Variants in SLC45A1 observed in about 807,000 individuals in gnomAD.
SLC45A1 encodes solute carrier family 45 member 1.
SLC45A1 carries 28 observed loss-of-function variants against 57.6 expected under a neutral mutation model. The ratio of observed to expected loss-of-function variants is 0.49; its 90% CI spans 0.36 to 0.67. The LOEUF is 0.67. Ranked by LOEUF, SLC45A1 falls within the 30% of genes least tolerant of loss-of-function variation. SLC45A1 has a pLI of 0.00. For synonymous variants in SLC45A1, 459 were observed against 471.5 expected (o/e 0.97, Z 0.34); for missense variants, 814 against 1,041.5 (o/e 0.78, Z 3.01).
At chr1:8,331,081 G>T in intron 5 of SLC45A1, 145 bp downstream of exon 5, 2 of 1,123,920 alleles carry the variant, frequency 1.8e-6, no homozygotes, top group Non-Finnish European at 1.2e-6. Context: ...GACCTAAAGA[G>T]AAAAGCCTTA....
intron 5 of SLC45A1, among the ~76,000 whole-genome samples, chr1:8,333,771 C>T (rs538851125): frequency 1.1e-3 from 173 of 152,234 alleles, no homozygotes; most frequent in Admixed American, 1.6e-3. Flanking sequence ...TGGGGCCTTT[C>T]GTTTGCTTTT....
rs1640389146 is a variant in SLC45A1 at position 8,330,988 on chromosome 1, C to A, written c.1443+52C>A. 21 of 1,519,156 alleles carry A rather than the reference C, an allele frequency of 1.4e-5. No homozygotes were observed. Among genetic ancestry groups the A allele is most frequent in the Non-Finnish European group, 1.8e-5 (20 of 1,136,978 alleles). 94.1% of individuals were successfully genotyped at this position (1,519,156 alleles called of 1,614,324 possible). On this transcript the variant is annotated intron_variant, in intron 5 of 8. Coordinates refer to ENST00000471889, the MANE Select transcript of SLC45A1 (RefSeq NM_001080397.3). This position sits in a 1 kb window ranked among gnomAD's most constrained non-coding sequence, Gnocchi z 8.4. ...GGCTCAGAGGGTGGCATTCGGGGGT[C>A]CCCTGGTCAGTTACATGACAAAGAG...
rs749611806 is a variant in SLC45A1 at position 8,330,918 on chromosome 1, T to C, written c.1425T>C (p.Asn475=). 2.5e-6 allele frequency: 4 copies of C among 1,594,178 alleles called. No homozygotes were observed. The highest frequency in any genetic ancestry group is 2.2e-5 in the South Asian group (2 of 90,214). ...GTCCCGAAACCAGCAGGAGAAGGAATGTGACCTTCAGTCAGCAGGTAACAG... is the reference window on the plus strand; with the variant it reads ...GTCCCGAAACCAGCAGGAGAAGGAACGTGACCTTCAGTCAGCAGGTAACAG... ...GGGPETSRRR[N]VTFSQQVANI... The change falls in exon 5 of 9, where the codon AAT becomes AAC. Residue 475 remains asparagine (N), a synonymous_variant. Coordinates refer to ENST00000471889, the MANE Select transcript of SLC45A1 (RefSeq NM_001080397.3). This position sits in a 1 kb window ranked among gnomAD's most constrained non-coding sequence, Gnocchi z 8.4.
chr1:8,322,628 G>A lies in SLC45A1; in HGVS notation c.-24-1678G>A, dbSNP rs75284387. On this transcript the variant is annotated intron_variant, in intron 1 of 8. Transcript: ENST00000471889. ...ATAAATAATTTATTGTCTAGTGATAGTGTGATGGAAAGTGGTATGGTAAGT... is the reference window on the plus strand; with the variant it reads ...ATAAATAATTTATTGTCTAGTGATAATGTGATGGAAAGTGGTATGGTAAGT... 9.6e-3 allele frequency among the ~76,000 whole-genome samples: 1,454 copies of A among 152,230 alleles called. 21 individuals are homozygous for A. The highest frequency in any genetic ancestry group is 0.033 in the African/African-American group (1,373 of 41,514).
chr1:8,332,381 C>T (rs1384612429), intron 5 of SLC45A1, among the ~76,000 whole-genome samples: 2 of 152,138 alleles, frequency 1.3e-5, no homozygotes, highest in East Asian at 3.8e-4. Flanking sequence ...TCCAGGGCAG[C>T]GCCATCTTCC....
At chr1:8,340,852 C>A (rs1053374007) in intron 8 of SLC45A1, among the ~76,000 whole-genome samples, 2 of 152,032 alleles carry the variant, frequency 1.3e-5, no homozygotes, top group Non-Finnish European at 2.9e-5. Flanking sequence ...AATCTCGTTA[C>A]GGATTATGGA....
intron 5 of SLC45A1, among the ~76,000 whole-genome samples, chr1:8,333,116 CT>C (rs1177722429): frequency 6.6e-6 from 1 of 152,124 alleles, no homozygotes; most frequent in Non-Finnish European, 1.5e-5. Context: ...TAAATGGGAC[CT>C]GGTCCTCAGT....
intron 1 of SLC45A1, among the ~76,000 whole-genome samples, chr1:8,323,703 G>C (rs544559442): frequency 6.6e-6 from 1 of 152,320 alleles, no homozygotes; most frequent in South Asian, 2.1e-4. Flanking sequence ...TGAAGGAAAA[G>C]GGTTTGTGTT....
At chr1:8,340,249 G>A (rs1367718320) in intron 8 of SLC45A1, among the ~76,000 whole-genome samples, 3 of 148,738 alleles carry the variant, frequency 2.0e-5, no homozygotes, top group East Asian at 3.9e-4. Context: ...TGCAACCTCC[G>A]CCTCCCGGGT....
At chr1:8,323,740 A>C (rs1640105254) in intron 1 of SLC45A1, among the ~76,000 whole-genome samples, 1 of 152,192 alleles carries the variant, frequency 6.6e-6, no homozygotes, top group Non-Finnish European at 1.5e-5. Flanking sequence ...CTTTAGGGAG[A>C]GTGCCCTGGC....
In SLC45A1 at chr1:8,330,740, G is replaced by A. The variant is rs370439504; in HGVS notation, c.1247G>A (p.Arg416His). 9 of 1,613,136 alleles carry A rather than the reference G, an allele frequency of 5.6e-6. 1 individual carries two copies. The highest frequency in any genetic ancestry group is 3.3e-4 in the Middle Eastern group (2 of 6,084). ...RAPDGFYRQD[R>H]GLLEGREGAL... is the part of the protein sequence containing the mutation. ...CCCGACGGCTTCTACCGCCAGGACCGTGGACTTCTGGAGGGCAGAGAGGGT... is the reference window on the plus strand; with the variant it reads ...CCCGACGGCTTCTACCGCCAGGACCATGGACTTCTGGAGGGCAGAGAGGGT... Residue 416 changes from arginine (R) to histidine (H), a missense_variant, in exon 5 of 9, where the codon CGT becomes CAT. Coordinates refer to ENST00000471889, the MANE Select transcript of SLC45A1 (RefSeq NM_001080397.3). This position sits in a 1 kb window ranked among gnomAD's most constrained non-coding sequence, Gnocchi z 8.4.
rs572035855 is a variant in SLC45A1 at position 8,324,120 on chromosome 1, C to T, written c.-24-186C>T. ...CTCTCTGAGTAGGGAAGGCACTGGG[C>T]TTTGGCCTCCTGGGGCAGAGGAGCT... is the stretch of plus-strand genomic sequence containing the variant. On this transcript the variant is annotated intron_variant, in intron 1 of 8. Coordinates refer to ENST00000471889, the MANE Select transcript of SLC45A1 (RefSeq NM_001080397.3). Among the ~76,000 whole-genome samples the T allele has an allele frequency of 2.0e-5, 3 of 152,246 alleles. No individual in the cohort carries two copies. The South Asian group carries it at 6.2e-4, about 32-fold the overall frequency.
In SLC45A1 at chr1:8,335,703, C is replaced by A; in HGVS notation, c.1597+113C>A. The stretch of plus-strand genomic sequence containing the variant: ...CTTCCCAGAACCTTTCTGAGTTCAC[C>A]AGCCCCCAACAACAGCACCAAGGGC... On this transcript the variant is annotated intron_variant, in intron 6 of 8. Transcript: ENST00000471889. This position sits in a 1 kb window ranked among gnomAD's most constrained non-coding sequence, Gnocchi z 4.1. 8.2e-7 allele frequency: 1 copy of A among 1,213,364 alleles called. No individual in the cohort carries two copies. The highest frequency in any genetic ancestry group is 2.7e-5 in the East Asian group (1 of 37,300). 75.2% of individuals were successfully genotyped at this position (1,213,364 alleles called of 1,614,324 possible). A position where few individuals can be genotyped will look rare whatever the true frequency, so the allele number is the denominator to read the frequency against.
intron 1 of SLC45A1, among the ~76,000 whole-genome samples, chr1:8,320,641 G>A (rs982410245): frequency 6.7e-6 from 1 of 149,610 alleles, no homozygotes; most frequent in Non-Finnish European, 1.5e-5. Context: ...GACTCTGTCT[G>A]TCTGTCTGTC....
At chr1:8,319,883 A>C (rs1299354071) in intron 1 of SLC45A1, among the ~76,000 whole-genome samples, 1 of 151,768 alleles carries the variant, frequency 6.6e-6, no homozygotes, top group East Asian at 1.9e-4. Flanking sequence ...TGCCCAGCTA[A>C]TTTTTTGTAT....
rs548188672 is a variant in SLC45A1, at chr1:8,330,101, G to A, written c.716-108G>A. 204 of 1,368,910 alleles carry A rather than the reference G, an allele frequency of 1.5e-4. No individual in the cohort carries two copies. The highest frequency in any genetic ancestry group is 9.9e-4 in the South Asian group (73 of 74,060). 84.8% of individuals were successfully genotyped at this position (1,368,910 alleles called of 1,614,324 possible). A position where few individuals can be genotyped will look rare whatever the true frequency, so the allele number is the denominator to read the frequency against. On this transcript the variant is annotated intron_variant, in intron 4 of 8. Coordinates refer to ENST00000471889, the MANE Select transcript of SLC45A1 (RefSeq NM_001080397.3). The surrounding 1 kb of genome is among the most constrained non-coding windows in gnomAD (Gnocchi z 8.4). ...TAGGTGGAACAGGTTCTGTGCCCAC[G>A]TCCCTGGAATGGCCTTGGCTACCTT...
Position 8,337,960 on chromosome 1 carries a change from G to A in SLC45A1, c.1742G>A (p.Cys581Tyr). The change falls in exon 7 of 9, where the codon TGT becomes TAT. Residue 581 changes from cysteine to tyrosine, a missense_variant. Coordinates refer to ENST00000471889, the MANE Select transcript of SLC45A1 (RefSeq NM_001080397.3). ...GTGACCATGGGCTGCTGGGGCATGT[G>A]TATCTACGCCTTCAGTGCTGCCTTC... ...SGVTMGCWGM[C>Y]IYAFSAAFYS... 6.2e-7 allele frequency: 1 copy of A among 1,614,174 alleles called. No homozygotes were observed. Among genetic ancestry groups the A allele is most frequent in the Non-Finnish European group, 8.5e-7 (1 of 1,180,028 alleles).
chr1:8,325,255 C>T lies in SLC45A1; in HGVS notation c.398-43C>T. 7.6e-7 allele frequency: 1 copy of T among 1,309,862 alleles called. No individual in the cohort carries two copies. Among genetic ancestry groups the T allele is most frequent in the Non-Finnish European group, 1.1e-6 (1 of 904,518 alleles). 81.1% of individuals were successfully genotyped at this position (1,309,862 alleles called of 1,614,324 possible). On this transcript the variant is annotated intron_variant, in intron 2 of 8. Coordinates refer to ENST00000471889, the MANE Select transcript of SLC45A1 (RefSeq NM_001080397.3). The surrounding 1 kb of genome is among the most constrained non-coding windows in gnomAD (Gnocchi z 6.3). ...GAGGCTGATTCGATGTCCCCATGTG[C>T]CATGGGGACCCTGGCAATGACCGCT...
chr1:8,335,620 T>C lies in SLC45A1; in HGVS notation c.1597+30T>C, dbSNP rs768414535. On this transcript the variant is annotated intron_variant, in intron 6 of 8. Transcript: ENST00000471889. This position sits in a 1 kb window ranked among gnomAD's most constrained non-coding sequence, Gnocchi z 4.1. Reference sequence around the variant, plus strand: ...GCTCCCGGCCAAGCCTCCCCGTGAGTCCTGGTCCTGCTCAGGGCTCTCGCC... The same window carrying C: ...GCTCCCGGCCAAGCCTCCCCGTGAGCCCTGGTCCTGCTCAGGGCTCTCGCC... 1 of 1,571,540 alleles carries C rather than the reference T, an allele frequency of 6.4e-7. No homozygotes were observed. Among genetic ancestry groups the C allele is most frequent in the South Asian group, 1.2e-5 (1 of 85,942 alleles).
Sources: allele counts gnomAD v4.1 joint callset (sites outside exome capture counted in the v4.1 genomes callset), GRCh38; gene constraint gnomAD v4.1.1; non-coding constraint Gnocchi (gnomAD v3.1); transcripts MANE v1.5; gene names NCBI Gene and HGNC (gene_info 2026-07-23, HGNC 2026-07-21).